The following CEP128 variants were observed in gnomAD, a reference collection of about 807,000 sequenced individuals.
The protein encoded by CEP128 is centrosomal protein 128kDa.
In CEP128, 132 loss-of-function variants were observed where a neutral mutation model predicts 156.7. The ratio of observed to expected loss-of-function variants is 0.84; its 90% confidence interval spans 0.73 to 0.97. The LOEUF is 0.97. Among genes scored for constraint, CEP128 ranks in the 50% least tolerant of loss-of-function variants. The pLI is 0.00. For synonymous variants in CEP128, 469 were observed against 448.9 expected (o/e 1.04, Z -0.57); for missense variants, 1,252 against 1,281.9 (o/e 0.98, Z 0.36).
intron 19 of CEP128, among the ~76,000 whole-genome samples, chr14:80,733,904 A>T (rs573063132): frequency 6.6e-6 from 1 of 152,224 alleles, no homozygotes; most frequent in Non-Finnish European, 1.5e-5. Flanking sequence ...CTGAAAATTC[A>T]GTCTGTTAGA....
intron 19 of CEP128, among the ~76,000 whole-genome samples, chr14:80,737,336 G>A (rs549037575): frequency 6.6e-5 from 10 of 151,876 alleles, no homozygotes; most frequent in South Asian, 2.1e-4. Flanking sequence ...CCTAGAAGGC[G>A]GAGGTTACAG....
At chr14:80,866,381 G>A (rs1380628165) in intron 8 of CEP128, among the ~76,000 whole-genome samples, 1 of 152,102 alleles carries the variant, frequency 6.6e-6, no homozygotes, top group Non-Finnish European at 1.5e-5. Context: ...TGCCAGGCCA[G>A]CCCCAGAGGA....
At chr14:80,708,427 G>A (rs1030748480) in intron 19 of CEP128, among the ~76,000 whole-genome samples, 1 of 151,894 alleles carries the variant, frequency 6.6e-6, no homozygotes, top group African/African-American at 2.4e-5. Context: ...TAGGGATATG[G>A]GAATATCACC....
At chr14:80,716,304 C>T (rs1245067957) in intron 19 of CEP128, among the ~76,000 whole-genome samples, 2 of 152,142 alleles carry the variant, frequency 1.3e-5, no homozygotes, top group African/African-American at 4.8e-5. Flanking sequence ...ACAACCATCA[C>T]CACAATCAAT....
intron 8 of CEP128, among the ~76,000 whole-genome samples, chr14:80,876,061 A>G (rs747614615): frequency 2.6e-5 from 4 of 152,172 alleles, no homozygotes; most frequent in Admixed American, 6.5e-5. Flanking sequence ...TGAGCATAAG[A>G]GACAAAGGGG....
At chr14:80,605,447 T>C (rs1892739676) in intron 19 of CEP128, among the ~76,000 whole-genome samples, 1 of 152,094 alleles carries the variant, frequency 6.6e-6, no homozygotes, top group Non-Finnish European at 1.5e-5. Flanking sequence ...ATCTATCTGT[T>C]TTCTTCTACA....
intron 9 of CEP128, among the ~76,000 whole-genome samples, chr14:80,850,832 G>C (rs1428873671): frequency 6.6e-6 from 1 of 152,062 alleles, no homozygotes; most frequent in African/African-American, 2.4e-5. Context: ...AAATCCAGCT[G>C]TCTTTATTAA....
rs149609171 is a variant in CEP128, at chr14:80,734,577, C to T, written c.2806+8498G>A. Among the ~76,000 whole-genome samples, 1,269 of 152,010 alleles carry T rather than the reference C, an allele frequency of 8.3e-3. 17 individuals are homozygous for T. Among genetic ancestry groups the T allele is most frequent in the African/African-American group, 0.03 (1,224 of 41,470 alleles). On this transcript the variant is annotated intron_variant, in intron 19 of 24. Transcript: ENST00000555265. ...TAAAACAATAACTGAGGGCTGGGCA[C>T]GGTGGCTCACACCTGTAATCCCAGC...
intron 19 of CEP128, among the ~76,000 whole-genome samples, chr14:80,656,281 ATATATATATT>A (rs1410618698): frequency 0.11 from 1,159 of 10,870 alleles, 246 homozygotes; most frequent in Non-Finnish European, 0.13. Context: ...GTTTTTATTT[ATATATATATT>A]TATATATATA....
chr14:80,826,450 G>C (rs1885485498), intron 13 of CEP128, among the ~76,000 whole-genome samples: 1 of 152,020 alleles, frequency 6.6e-6, no homozygotes, highest in Admixed American at 6.6e-5. Context: ...TAAGACCTTT[G>C]GTCTCCAAAA....
chr14:80,757,691 G>C (rs778235671), intron 17 of CEP128, among the ~76,000 whole-genome samples: 3 of 152,142 alleles, frequency 2.0e-5, no homozygotes, highest in Non-Finnish European at 4.4e-5. Flanking sequence ...AAATTTGCCT[G>C]TTTAAAAATA....
At chr14:80,539,817 GGGAA>G (rs1416819649) in intron 21 of CEP128, among the ~76,000 whole-genome samples, 1 of 152,056 alleles carries the variant, frequency 6.6e-6, no homozygotes, top group Non-Finnish European at 1.5e-5. Context: ...TAATACCTCG[GGGAA>G]GGAATGCATT....
intron 3 of CEP128, among the ~76,000 whole-genome samples, 157 bp from the exon 4 acceptor site, chr14:80,914,565 A>C (rs1884438964): frequency 6.6e-6 from 1 of 152,218 alleles, no homozygotes; most frequent in Non-Finnish European, 1.5e-5. Context: ...ATATTAAGTA[A>C]ATCTTAACAC....
intron 2 of CEP128, among the ~76,000 whole-genome samples, chr14:80,919,434 T>A (rs893865379): frequency 6.6e-6 from 1 of 152,106 alleles, no homozygotes; most frequent in Non-Finnish European, 1.5e-5. Flanking sequence ...TAGTAAAATA[T>A]TTAGAACACT....
At chr14:80,885,318 T>C (rs560142926) in intron 8 of CEP128, among the ~76,000 whole-genome samples, 1 of 152,302 alleles carries the variant, frequency 6.6e-6, no homozygotes. Flanking sequence ...CTGACCCCCG[T>C]GCCCTCTGAC....
Position 80,803,414 on chromosome 14 carries a change from T to C in CEP128, c.1210-10304A>G, listed in dbSNP as rs149138374. Reference sequence around the variant, plus strand: ...CAAAAGAAGTTAATTTAACAGTTACTACTAAAAGTATTAAAAAGAAAAAGA... The same window carrying C: ...CAAAAGAAGTTAATTTAACAGTTACCACTAAAAGTATTAAAAAGAAAAAGA... On this transcript the variant is annotated intron_variant, in intron 13 of 24. Transcript: ENST00000555265. Among the ~76,000 whole-genome samples the C allele has an allele frequency of 2.1e-3, 316 of 149,874 alleles. 1 individual carries two copies. Among genetic ancestry groups the C allele is most frequent in the African/African-American group, 7.3e-3 (299 of 40,970 alleles).
chr14:80,858,850 T>C (rs1219672835), intron 9 of CEP128, among the ~76,000 whole-genome samples: 17 of 152,094 alleles, frequency 1.1e-4, no homozygotes, highest in South Asian at 2.1e-4. Context: ...CAATGAGATA[T>C]CATCTCACAC....
chr14:80,713,303 A>AT (rs1897481021), intron 19 of CEP128, among the ~76,000 whole-genome samples: 1 of 152,026 alleles, frequency 6.6e-6, no homozygotes, highest in South Asian at 2.1e-4. Context: ...CCTGCTTCTA[A>AT]TTTGTTGAAA....
intron 17 of CEP128, among the ~76,000 whole-genome samples, chr14:80,758,720 A>G (rs1341011643): frequency 6.6e-6 from 1 of 152,164 alleles, no homozygotes; most frequent in Non-Finnish European, 1.5e-5. Context: ...ATTTGTGAAC[A>G]TGTTACTAAA....
Sources: allele counts gnomAD v4.1 joint callset (sites outside exome capture counted in the v4.1 genomes callset), GRCh38; gene constraint gnomAD v4.1.1; transcripts MANE v1.5; gene names NCBI Gene and HGNC (gene_info 2026-07-23, HGNC 2026-07-21).